Variants in HMGB1 observed in about 807,000 individuals in gnomAD.
HMGB1 encodes the protein high mobility group protein B1.
For synonymous variants in HMGB1, 81 were observed against 84.0 expected (o/e 0.96, Z 0.19); for missense variants, 79 against 253.5 (o/e 0.31, Z 4.67).
At chr13:30,534,209 G>A (rs1475255074) in intron 1 of HMGB1, among the ~76,000 whole-genome samples, 3 of 152,106 alleles carry the variant, frequency 2.0e-5, no homozygotes, top group African/African-American at 4.8e-5. Context: ...AAAGATGACC[G>A]TCCAAATTCC....
intron 1 of HMGB1, chr13:30,465,369 GCGCCGCCGCTGCCCTCCCGCCGC>G (rs1886712180): frequency 7.2e-6 from 1 of 138,132 alleles, no homozygotes; most frequent in Non-Finnish European, 1.6e-5. Flanking sequence ...GCCCGGGGAA[GCGCCGCCGCTGCCCTCCCGCCGC>G]CGCCGCCGAG....
At chr13:30,541,527 TC>T (rs1256946099) in intron 1 of HMGB1, 1 of 151,650 alleles carries the variant, frequency 6.6e-6, no homozygotes, top group African/African-American at 2.4e-5. Flanking sequence ...TGGCAGTAGG[TC>T]CAAAGGCTGG....
chr13:30,550,267 A>G (rs1309398500), intron 1 of HMGB1, among the ~76,000 whole-genome samples: 1 of 152,220 alleles, frequency 6.6e-6, no homozygotes, highest in East Asian at 1.9e-4. Context: ...TCATGTATGT[A>G]AAAGTTACAG....
At chr13:30,522,789 T>C (rs1243607143) in intron 1 of HMGB1, among the ~76,000 whole-genome samples, 1 of 151,718 alleles carries the variant, frequency 6.6e-6, no homozygotes, top group Non-Finnish European at 1.5e-5. Context: ...TTTAGTGCAG[T>C]GGTGCAACCT....
At chr13:30,531,509 CGTGTGTGTGTGTGTGTGT>C (rs376387192) in intron 1 of HMGB1, among the ~76,000 whole-genome samples, 74 of 135,666 alleles carry the variant, frequency 5.5e-4, no homozygotes, top group African/African-American at 1.5e-3. Context: ...GTAACATATA[CGTGTGTGTGTGTGTGTGT>C]GTGTGTGTGT....
chr13:30,588,848 C>T (rs1320235783), intron 1 of HMGB1, among the ~76,000 whole-genome samples: 11 of 151,720 alleles, frequency 7.3e-5, no homozygotes, highest in Admixed American at 3.3e-4. Flanking sequence ...ATCTGGGAGG[C>T]GGAGGTTGCA....
intron 1 of HMGB1, among the ~76,000 whole-genome samples, chr13:30,608,536 G>C (rs1950482365): frequency 6.6e-6 from 1 of 152,144 alleles, no homozygotes; most frequent in Non-Finnish European, 1.5e-5. Context: ...TCTAGGATAG[G>C]AGGGGCTAAC....
intron 1 of HMGB1, among the ~76,000 whole-genome samples, chr13:30,557,357 G>C (rs942406341): frequency 1.3e-5 from 2 of 152,142 alleles, no homozygotes; most frequent in Non-Finnish European, 2.9e-5. Flanking sequence ...TCCTCAACGC[G>C]AGTTCCAGAG....
At chr13:30,614,123 AC>A (rs1471529987) in intron 1 of HMGB1, among the ~76,000 whole-genome samples, 2 of 152,164 alleles carry the variant, frequency 1.3e-5, no homozygotes, top group Admixed American at 6.5e-5. Context: ...ATTTGTTCTT[AC>A]ATGTGTAAAA....
At chr13:30,465,216 G>C in intron 1 of HMGB1, 15 of 525,618 alleles carry the variant, frequency 2.9e-5, no homozygotes, top group Non-Finnish European at 3.6e-5. Flanking sequence ...GCCGCGACCG[G>C]GCCGAGGCCG....
chr13:30,556,489 C>A (rs372590525), intron 1 of HMGB1, among the ~76,000 whole-genome samples: 9 of 152,176 alleles, frequency 5.9e-5, no homozygotes, highest in African/African-American at 2.2e-4. Flanking sequence ...TCTCAATAGC[C>A]AAGATATGGA....
chr13:30,522,017 T>A (rs771532189), intron 1 of HMGB1, among the ~76,000 whole-genome samples: 7 of 151,994 alleles, frequency 4.6e-5, no homozygotes, highest in Non-Finnish European at 7.4e-5. Flanking sequence ...ACATTCCTTA[T>A]ACACAGTCAA....
At chr13:30,595,345 C>A (rs1871560717) in intron 1 of HMGB1, among the ~76,000 whole-genome samples, 1 of 152,138 alleles carries the variant, frequency 6.6e-6, no homozygotes, top group Non-Finnish European at 1.5e-5. Context: ...GATGTTCTAG[C>A]CACGATCCAA....
At chr13:30,475,672 C>T (rs1887079816) in intron 1 of HMGB1, among the ~76,000 whole-genome samples, 1 of 152,124 alleles carries the variant, frequency 6.6e-6, no homozygotes, top group African/African-American at 2.4e-5. Context: ...CACACTCCAT[C>T]CAGCCTGGGC....
chr13:30,538,960 G>A (rs567856995), intron 1 of HMGB1, among the ~76,000 whole-genome samples: 29 of 152,018 alleles, frequency 1.9e-4, no homozygotes, highest in Non-Finnish European at 1.9e-4. Context: ...GCAACGGCAC[G>A]ATCTCGGCTC....
rs750614642 is a variant in HMGB1 at position 30,463,499 on chromosome 13, T to C, written c.150+32A>G. 2.2e-5 allele frequency: 35 copies of C among 1,590,608 alleles called. No homozygotes were observed. The Admixed American group carries it at 5.6e-4, about 26-fold the overall frequency. On this transcript the variant is annotated intron_variant, in intron 2 of 4. Transcript: ENST00000341423. ...TCCTCAATTGGAAACTGTCTTTTAATTACCTTGTTAGCATGTTTTAAGCCC... is the reference window on the plus strand; with the variant it reads ...TCCTCAATTGGAAACTGTCTTTTAACTACCTTGTTAGCATGTTTTAAGCCC...
intron 1 of HMGB1, among the ~76,000 whole-genome samples, chr13:30,548,164 G>C (rs1048391836): frequency 6.6e-6 from 1 of 152,136 alleles, no homozygotes; most frequent in African/African-American, 2.4e-5. Flanking sequence ...TGTTGTGGGA[G>C]GGACCAGTGG....
At chr13:30,502,882 G>A (rs1432123587) in intron 1 of HMGB1, among the ~76,000 whole-genome samples, 2 of 152,012 alleles carry the variant, frequency 1.3e-5, no homozygotes, top group Non-Finnish European at 2.9e-5. Flanking sequence ...CACCATGCTG[G>A]CCAGGCTGGT....
At chr13:30,534,877 A>C (rs1347025754) in intron 1 of HMGB1, among the ~76,000 whole-genome samples, 1 of 152,072 alleles carries the variant, frequency 6.6e-6, no homozygotes, top group Non-Finnish European at 1.5e-5. Flanking sequence ...ATGCCCAGCC[A>C]GTTCAAGCTG....
Sources: allele counts gnomAD v4.1 joint callset (sites outside exome capture counted in the v4.1 genomes callset), GRCh38; gene constraint gnomAD v4.1.1; transcripts MANE v1.5; gene names NCBI Gene and HGNC (gene_info 2026-07-23, HGNC 2026-07-21).